EPS8L1: variants seen among roughly 807,000 people sequenced by gnomAD.
The protein encoded by EPS8L1 is EPS8 signaling adaptor L1.
Under a neutral mutation model 91.7 loss-of-function variants are expected in EPS8L1, and 101 were observed. The ratio of observed to expected loss-of-function variants is 1.10; its 90% confidence interval spans 0.94 to 1.30. The LOEUF (loss-of-function observed/expected upper bound fraction) is 1.30. EPS8L1 is among the 50% of genes most tolerant of loss of function. The probability of loss-of-function intolerance (pLI) is 0.00; values close to 1 mark genes in which losing one functional copy is unlikely to be tolerated. For synonymous variants in EPS8L1, 506 were observed against 445.3 expected, an observed-to-expected ratio of 1.14 and a Z score of -1.72; for missense variants, 1,114 against 1,017.0, an observed-to-expected ratio of 1.10 and a Z score of -1.30.
intron 4 of EPS8L1, 31 bp from the exon 5 acceptor site, chr19:55,079,659 G>C (rs766182980): frequency 1.2e-6 from 2 of 1,603,072 alleles, no homozygotes; most frequent in South Asian, 2.2e-5. Context: ...ATCATCTTGG[G>C]CCTCACTGCT....
chr19:55,086,323 C>T, intron 16 of EPS8L1, 69 bp from the exon 17 acceptor site: 2 of 1,607,220 alleles, frequency 1.2e-6, no homozygotes, highest in Non-Finnish European at 8.5e-7. Context: ...AATGCATCTC[C>T]AGAAAGGGGA....
At chr19:55,078,646 A>T (rs541610297) in intron 3 of EPS8L1, among the ~76,000 whole-genome samples, 3 of 9,658 alleles carry the variant, frequency 3.1e-4, no homozygotes, top group South Asian at 5.4e-3. Flanking sequence ...CTCCTGGGTC[A>T]GAGGGAAGAG....
Position 55,087,330 on chromosome 19 carries a change from CG to C in EPS8L1, c.1984del (p.Ala662ArgfsTer14). 1 of 1,611,152 alleles carries C rather than the reference CG, an allele frequency of 6.2e-7. No individual in the cohort carries two copies. The highest frequency in any genetic ancestry group is 8.5e-7 in the Non-Finnish European group (1 of 1,179,340). ...CCGTGGACGCGCTGGGTGTGCTGAC[CG>C]GGGCGCAGCTTTTCTCGCTGCAGAA... is the stretch of plus-strand genomic sequence containing the variant. ...GTVDALGVLT[G>X]AQLFSLQKEE... On this transcript the variant is annotated frameshift_variant, in exon 19 of 20. Transcript: ENST00000201647. LOFTEE classifies it high-confidence loss of function.
chr19:55,082,419 G>A, intron 11 of EPS8L1, 35 bp from the exon 12 acceptor site: 1 of 1,611,500 alleles, frequency 6.2e-7, no homozygotes, highest in Non-Finnish European at 8.5e-7. Flanking sequence ...TAGAAGGTGT[G>A]GCGGCACAGC....
intron 4 of EPS8L1, 59 bp from the exon 5 acceptor site, chr19:55,079,631 A>C (rs543229396): frequency 6.4e-7 from 1 of 1,568,898 alleles, no homozygotes; most frequent in African/African-American, 1.3e-5. Context: ...ATTCTGGGGG[A>C]TTCTGAGCCC....
At chr19:55,078,168 G>A (rs755888827) in intron 3 of EPS8L1, 40 bp downstream of exon 3, 1 of 1,606,344 alleles carries the variant, frequency 6.2e-7, no homozygotes, top group South Asian at 1.1e-5. Context: ...CATAGAACTG[G>A]GTCTAAAGAA....
intron 2 of EPS8L1, 116 bp downstream of exon 2, chr19:55,076,577 C>T: frequency 7.9e-7 from 1 of 1,266,434 alleles, no homozygotes. Context: ...AGACTCTGGC[C>T]CAAGCCCCGA....
chr19:55,076,645 C>G (rs1380422273), intron 2 of EPS8L1, among the ~76,000 whole-genome samples, 184 bp downstream of exon 2: 1 of 152,218 alleles, frequency 6.6e-6, no homozygotes, highest in East Asian at 1.9e-4. Context: ...TTAGGGGCCC[C>G]CACTGCAGAG....
chr19:55,082,409 T>A (rs752216045), intron 11 of EPS8L1, 45 bp from the exon 12 acceptor site: 1 of 1,612,094 alleles, frequency 6.2e-7, no homozygotes. Flanking sequence ...GTTCGACTTG[T>A]AGAAGGTGTG....
At chr19:55,084,843 T>C (rs1202581387) in intron 14 of EPS8L1, among the ~76,000 whole-genome samples, 2 of 152,172 alleles carry the variant, frequency 1.3e-5, no homozygotes, top group Non-Finnish European at 2.9e-5. Flanking sequence ...TGTGGTGTTG[T>C]AGGAACTAGC....
At chr19:55,087,489 C>T (rs771618008) in intron 19 of EPS8L1, 39 bp from the exon 20 acceptor site, 48 of 1,613,962 alleles carry the variant, frequency 3.0e-5, no homozygotes, top group East Asian at 2.0e-4. Context: ...GACGAGGGCT[C>T]GGACGCCAGG....
In EPS8L1 at chr19:55,080,289, G is replaced by A. The variant is rs1033210882; in HGVS notation, c.429+11G>A. 2.6e-6 allele frequency: 4 copies of A among 1,535,060 alleles called. No individual in the cohort carries two copies. Among genetic ancestry groups the A allele is most frequent in the Non-Finnish European group, 3.5e-6 (4 of 1,138,474 alleles). ...GGCCTGCGCCTCGGGGTGAGCAGAT[G>A]GGCTGGCTCTGGGGGTGGAGCTGGA... is the stretch of plus-strand genomic sequence containing the variant. On this transcript the variant is annotated intron_variant, in intron 6 of 19. Transcript: ENST00000201647.
chr19:55,081,579 C>T lies in EPS8L1; in HGVS notation c.774+87C>T. ...TGGAAGGGCGGGGCCGGCTGCGGGACGGGCGTTCTCTGGTCAGACTTCTGC... is the reference window on the plus strand; with the variant it reads ...TGGAAGGGCGGGGCCGGCTGCGGGATGGGCGTTCTCTGGTCAGACTTCTGC... On this transcript the variant is annotated intron_variant, in intron 8 of 19. Coordinates refer to ENST00000201647, the MANE Select transcript of EPS8L1 (RefSeq NM_133180.3). The surrounding 1 kb of genome is among the most constrained non-coding windows in gnomAD (Gnocchi z 4.9). 3 of 1,370,944 alleles carry T rather than the reference C, an allele frequency of 2.2e-6. No individual in the cohort carries two copies. The highest frequency in any genetic ancestry group is 2.6e-5 in the East Asian group (1 of 38,452). 84.9% of individuals were successfully genotyped at this position (1,370,944 alleles called of 1,614,324 possible).
At position 55,082,523 on chromosome 19, in the gene EPS8L1, G is replaced by T. The variant is rs761046514; in HGVS notation, c.1135G>T (p.Val379Leu). The T allele has an allele frequency of 2.5e-6, 4 of 1,611,720 alleles. No homozygotes were observed. Among genetic ancestry groups the T allele is most frequent in the Middle Eastern group, 1.6e-4 (1 of 6,068 alleles). ...VRRPHLTSDA[V>L]ALLRDNVTPR... is the part of the protein sequence containing the mutation. ...GCGGCCGCATCTGACATCGGATGCCGTGGCGCTGCTGCGGGACAACGTCAC... is the reference window on the plus strand; with the variant it reads ...GCGGCCGCATCTGACATCGGATGCCTTGGCGCTGCTGCGGGACAACGTCAC... The change falls in exon 12 of 20, where the codon GTG (valine) becomes TTG (leucine). Residue 379 changes from valine to leucine, a missense_variant. Val to Leu is a conservative substitution (Grantham distance 32). Transcript: ENST00000201647.
chr19:55,079,910 G>T lies in EPS8L1; in HGVS notation c.279+59G>T. ...GGGGCAGGGACTTCAGGGGGTCTGG[G>T]TGTGAATCTTGGCTCCTGCACGTCC... On this transcript the variant is annotated intron_variant, in intron 5 of 19. Coordinates refer to ENST00000201647, the MANE Select transcript of EPS8L1 (RefSeq NM_133180.3). 3 of 1,531,296 alleles carry T rather than the reference G, an allele frequency of 2.0e-6. No homozygotes were observed. The South Asian group carries it at 3.7e-5, about 19-fold the overall frequency. The allele number at this position is 1,531,296 out of a possible 1,614,324, so 94.9% of individuals were successfully genotyped here.
At position 55,080,220 on chromosome 19, in the gene EPS8L1, G is replaced by T. The variant is rs1453705014; in HGVS notation, c.371G>T (p.Cys124Phe). ...AGCCGCTCGTTGCTGCTGCTCGTGT[G>T]CCAGGAACCCGAGCGCGCGCAGCCC... ...GRSRSLLLLV[C>F]QEPERAQPDV... Residue 124 changes from cysteine to phenylalanine, a missense_variant, in exon 6 of 20, where the codon TGC (cysteine) becomes TTC (phenylalanine). By Grantham distance (205) the Cys-to-Phe change is radical (BLOSUM62 -2). Coordinates refer to ENST00000201647, the MANE Select transcript of EPS8L1 (RefSeq NM_133180.3). 2 of 1,539,128 alleles carry T rather than the reference G, an allele frequency of 1.3e-6. No homozygotes were observed. The highest frequency in any genetic ancestry group is 4.0e-5 in the Admixed American group (2 of 50,594).
At chr19:55,080,355 C>T in intron 6 of EPS8L1, 77 bp downstream of exon 6, 3 of 1,545,730 alleles carry the variant, frequency 1.9e-6, no homozygotes, top group East Asian at 2.4e-5. Flanking sequence ...TGGGTGGGGC[C>T]TCTAGGTGGG....
chr19:55,081,111 T>C lies in EPS8L1; in HGVS notation c.513-120T>C, dbSNP rs1251439248. ...GTATATCGGATTTCTCCCTACCTCG[T>C]TGAACTTGTTCACTCCCTTTGAGCC... On this transcript the variant is annotated intron_variant, in intron 7 of 19. Coordinates refer to ENST00000201647, the MANE Select transcript of EPS8L1 (RefSeq NM_133180.3). The surrounding 1 kb of genome is among the most constrained non-coding windows in gnomAD (Gnocchi z 4.9). 7.9e-7 allele frequency: 1 copy of C among 1,269,344 alleles called. No individual in the cohort carries two copies. Among genetic ancestry groups the C allele is most frequent in the Admixed American group, 3.0e-5 (1 of 33,206 alleles). 78.6% of individuals were successfully genotyped at this position (1,269,344 alleles called of 1,614,324 possible).
chr19:55,076,250 C>G, intron 1 of EPS8L1, 158 bp from the exon 2 acceptor site: 1 of 610,558 alleles, frequency 1.6e-6, no homozygotes, highest in Admixed American at 3.2e-5. Flanking sequence ...GGACTGGGGC[C>G]TGGACTTCTG....
Sources: allele counts gnomAD v4.1 joint callset (sites outside exome capture counted in the v4.1 genomes callset), GRCh38; gene constraint gnomAD v4.1.1; non-coding constraint Gnocchi (gnomAD v3.1); transcripts MANE v1.5; gene names NCBI Gene and HGNC (gene_info 2026-07-23, HGNC 2026-07-21).